Variants in ITPRID1 observed in about 807,000 individuals in gnomAD.
ITPRID1 encodes the protein protein ITPRID1.
ITPRID1 carries 96 observed loss-of-function variants against 95.4 expected under a neutral mutation model. That is an observed-to-expected ratio of 1.01 (90% CI 0.85 to 1.19). The LOEUF (loss-of-function observed/expected upper bound fraction) is 1.19, where lower values mean the gene tolerates loss of function less well. Ranked by LOEUF, ITPRID1 falls within the 50% of genes most tolerant of loss-of-function variation. The pLI, the probability that ITPRID1 is intolerant of heterozygous loss-of-function variation, is 0.00. For missense variants in ITPRID1, 1,339 were observed against 1,252.9 expected (o/e 1.07, Z -1.04); for synonymous variants, 510 against 453.6 (o/e 1.12, Z -1.58).
intron 10 of ITPRID1, among the ~76,000 whole-genome samples, chr7:31,605,534 G>C (rs1786580525): frequency 6.6e-6 from 1 of 152,166 alleles, no homozygotes; most frequent in Non-Finnish European, 1.5e-5. Flanking sequence ...CTCCTTTTCA[G>C]GGACATGTTG....
intron 10 of ITPRID1, among the ~76,000 whole-genome samples, chr7:31,599,691 T>TCC: frequency 1.0e-5 from 1 of 95,362 alleles, no homozygotes; most frequent in African/African-American, 4.8e-5. Context: ...TCTCTCTCTC[T>TCC]CTTTCTTTCT....
chr7:31,538,858 T>C (rs1009913575), intron 1 of ITPRID1, among the ~76,000 whole-genome samples: 1 of 152,246 alleles, frequency 6.6e-6, no homozygotes, highest in Non-Finnish European at 1.5e-5. Context: ...AAGAAACATT[T>C]TGAGGCTATC....
intron 1 of ITPRID1, among the ~76,000 whole-genome samples, chr7:31,514,965 TCTC>T (rs1391030220): frequency 1.3e-5 from 2 of 151,934 alleles, no homozygotes; most frequent in Non-Finnish European, 2.9e-5. Context: ...CCCTCTCACT[TCTC>T]CTGGTTCAGA....
intron 10 of ITPRID1, among the ~76,000 whole-genome samples, chr7:31,620,390 C>T (rs897405104): frequency 4.0e-5 from 6 of 151,850 alleles, no homozygotes; most frequent in South Asian, 4.2e-4. Context: ...CTCACACGGC[C>T]GGGTACTCCT....
At position 31,602,822 on chromosome 7, in the gene ITPRID1, T is replaced by C. The variant is rs543876432; in HGVS notation, c.1228+19631T>C. On this transcript the variant is annotated intron_variant, in intron 10 of 14. Coordinates refer to ENST00000615280, the MANE Select transcript of ITPRID1 (RefSeq NM_001257967.3). ...TCCTGCTCTTTCTCTTTTTTGCCTT[T>C]ATTTTTCTCTCTCTGGTTATTTATT... Among the ~76,000 whole-genome samples the C allele has an allele frequency of 1.8e-4, 28 of 152,240 alleles. No homozygotes were observed. In the East Asian group the frequency reaches 5.4e-3, roughly 29 times the overall value.
At chr7:31,639,159 T>G (rs942603062) in intron 10 of ITPRID1, among the ~76,000 whole-genome samples, 4 of 152,256 alleles carry the variant, frequency 2.6e-5, no homozygotes, top group Non-Finnish European at 4.4e-5. Context: ...TGAAACAAAC[T>G]TTTCTTTGAA....
In ITPRID1 at chr7:31,574,535, C is replaced by G; in HGVS notation, c.396-5C>G. On this transcript the variant is annotated splice_polypyrimidine_tract_variant and splice_region_variant and intron_variant, in intron 7 of 14. Transcript: ENST00000615280. The stretch of plus-strand genomic sequence containing the variant: ...GGATAAAGATATTCATATTTTTTAC[C>G]ACAGCATTCCTGAATGGCTGGAATT... The G allele has an allele frequency of 1.2e-6, 2 of 1,610,774 alleles. No homozygotes were observed. Among genetic ancestry groups the G allele is most frequent in the Non-Finnish European group, 1.7e-6 (2 of 1,177,446 alleles).
At chr7:31,600,323 T>TA (rs1786338791) in intron 10 of ITPRID1, among the ~76,000 whole-genome samples, 1 of 152,234 alleles carries the variant, frequency 6.6e-6, no homozygotes, top group Non-Finnish European at 1.5e-5. Context: ...GTATAACCTC[T>TA]AGAAAGTTGC....
intron 12 of ITPRID1, among the ~76,000 whole-genome samples, chr7:31,645,616 C>CCAT (rs1484289266): frequency 1.3e-5 from 2 of 152,140 alleles, no homozygotes; most frequent in African/African-American, 4.8e-5. Flanking sequence ...CCCACCACCA[C>CCAT]CATCATCATT....
At chr7:31,600,527 T>C (rs1786346846) in intron 10 of ITPRID1, among the ~76,000 whole-genome samples, 1 of 152,168 alleles carries the variant, frequency 6.6e-6, no homozygotes, top group Non-Finnish European at 1.5e-5. Flanking sequence ...TAAAGTAAAA[T>C]GTATGCTCCT....
rs552109027 is a variant in ITPRID1, at chr7:31,653,085, G to T, written c.*256G>T. 2.3e-5 allele frequency: 19 copies of T among 825,512 alleles called. No homozygotes were observed. In the South Asian group the frequency reaches 4.6e-4, roughly 20 times the overall value. 51.1% of individuals were successfully genotyped at this position (825,512 alleles called of 1,614,324 possible). On this transcript the variant is annotated 3_prime_UTR_variant, in exon 15 of 15. Transcript: ENST00000615280. ...CTAAATAGTATACGGTCTCTGCCCT[G>T]CTAGAACTTACAGTGTAGTGGGGGA...
chr7:31,538,648 T>G (rs1225357966), intron 1 of ITPRID1, among the ~76,000 whole-genome samples: 2 of 152,206 alleles, frequency 1.3e-5, no homozygotes, highest in African/African-American at 2.4e-5. Context: ...TTATTAGATA[T>G]TTTTCATAAT....
intron 10 of ITPRID1, among the ~76,000 whole-genome samples, chr7:31,606,040 T>C (rs1167357118): frequency 3.9e-5 from 6 of 152,232 alleles, no homozygotes; most frequent in Non-Finnish European, 8.8e-5. Flanking sequence ...TTATAAAACA[T>C]AATATGAATG....
chr7:31,533,111 A>C (rs2128130687), intron 1 of ITPRID1, among the ~76,000 whole-genome samples: 1 of 152,242 alleles, frequency 6.6e-6, no homozygotes, highest in Non-Finnish European at 1.5e-5. Flanking sequence ...GGTTGGTAAA[A>C]TTCTTCAGTA....
intron 10 of ITPRID1, among the ~76,000 whole-genome samples, chr7:31,597,390 G>A (rs1268835464): frequency 6.6e-6 from 1 of 151,744 alleles, no homozygotes; most frequent in South Asian, 2.1e-4. Context: ...AGGTGTATTA[G>A]TAGAATAATA....
rs1791293108 is a variant in ITPRID1 at position 31,656,123 on chromosome 7, A to G, written c.*3294A>G. 1.4e-6 allele frequency: 1 copy of G among 691,330 alleles called. No individual in the cohort carries two copies. Among genetic ancestry groups the G allele is most frequent in the Non-Finnish European group, 1.8e-6 (1 of 561,970 alleles). The allele number at this position is 691,330 out of a possible 1,614,324, so 42.8% of individuals were successfully genotyped here. A position where few individuals can be genotyped will look rare whatever the true frequency, so the allele number is the denominator to read the frequency against. On this transcript the variant is annotated 3_prime_UTR_variant, in exon 15 of 15. Coordinates refer to ENST00000615280, the MANE Select transcript of ITPRID1 (RefSeq NM_001257967.3). The stretch of plus-strand genomic sequence containing the variant: ...GATCCTTATTTTTTGAAACTCCTAT[A>G]TCACTTTGCTTTTTTGTTAAAACAC...
chr7:31,643,699 C>T lies in ITPRID1; in HGVS notation c.2329C>T (p.Gln777Ter), dbSNP rs1790221967. ...CAACAAGACCTTGACACATGGGCCC[C>T]AGCCCCTCACCAAATCCGTCTCTCT... ...LSNKTLTHGP[Q>*]PLTKSVSLDS... is the part of the protein sequence containing the mutation. The change falls in exon 12 of 15, where the codon CAG becomes TAG. Residue 777 changes from glutamine (Q) to a stop codon, truncating the protein, a stop_gained. Transcript: ENST00000615280. LOFTEE classifies it high-confidence loss of function. The T allele has an allele frequency of 6.2e-7, 1 of 1,614,058 alleles. No homozygotes were observed. Among genetic ancestry groups the T allele is most frequent in the South Asian group, 1.1e-5 (1 of 91,090 alleles).
intron 1 of ITPRID1, among the ~76,000 whole-genome samples, chr7:31,541,986 C>T (rs184502747): frequency 9.5e-4 from 144 of 152,268 alleles, no homozygotes; most frequent in African/African-American, 3.1e-3. Flanking sequence ...CCTTCCAAAA[C>T]TTGCTTAAAC....
chr7:31,518,877 C>T (rs1468470386), intron 1 of ITPRID1, among the ~76,000 whole-genome samples: 1 of 152,194 alleles, frequency 6.6e-6, no homozygotes, highest in African/African-American at 2.4e-5. Flanking sequence ...GCAGACATTT[C>T]CTGAATCTTA....
Sources: allele counts gnomAD v4.1 joint callset (sites outside exome capture counted in the v4.1 genomes callset), GRCh38; gene constraint gnomAD v4.1.1; transcripts MANE v1.5; gene names NCBI Gene and HGNC (gene_info 2026-07-23, HGNC 2026-07-21).